The following GPC6 variants were observed in gnomAD, a reference collection of about 807,000 sequenced individuals.
GPC6 encodes glypican-6.
A neutral mutation model predicts 55.2 loss-of-function variants in GPC6; 14 were observed. The observed-to-expected ratio is 0.25, with a 90% CI of 0.17 to 0.40. GPC6 has a LOEUF of 0.40. GPC6 is among the 10% of genes least tolerant of loss of function. The pLI is 1.00. For synonymous variants in GPC6, 278 were observed against 259.6 expected (o/e 1.07, Z -0.68); for missense variants, 641 against 708.5 (o/e 0.90, Z 1.08).
At chr13:93,981,922 A>G (rs1258534824) in intron 3 of GPC6, among the ~76,000 whole-genome samples, 1 of 152,090 alleles carries the variant, frequency 6.6e-6, no homozygotes. Context: ...CATGTGACCC[A>G]ATTTCTTATT....
intron 4 of GPC6, among the ~76,000 whole-genome samples, chr13:94,216,311 C>T (rs1020271724): frequency 3.9e-5 from 6 of 152,202 alleles, no homozygotes; most frequent in Non-Finnish European, 5.9e-5. Flanking sequence ...TGAGGAAGAA[C>T]ATGACTTGAA....
chr13:94,157,627 A>G (rs746428990), intron 4 of GPC6, among the ~76,000 whole-genome samples: 2 of 152,194 alleles, frequency 1.3e-5, no homozygotes, highest in African/African-American at 2.4e-5. Context: ...CCATTGCAGA[A>G]TCTTTGGTGC....
chr13:94,288,916 A>G (rs1874759382), intron 5 of GPC6, among the ~76,000 whole-genome samples: 1 of 128,736 alleles, frequency 7.8e-6, no homozygotes, highest in African/African-American at 3.0e-5. Context: ...TATATTTGTT[A>G]TATATATAAC....
intron 3 of GPC6, among the ~76,000 whole-genome samples, chr13:93,968,999 C>T (rs1011708211): frequency 2.6e-5 from 4 of 152,110 alleles, no homozygotes; most frequent in African/African-American, 9.7e-5. Flanking sequence ...CAGGCATCTC[C>T]TGAAGATAAC....
intron 2 of GPC6, among the ~76,000 whole-genome samples, chr13:93,787,593 A>G (rs1459341824): frequency 6.6e-6 from 1 of 152,202 alleles, no homozygotes; most frequent in Non-Finnish European, 1.5e-5. Context: ...GTTCAGGTAC[A>G]TGTGATAATT....
intron 3 of GPC6, among the ~76,000 whole-genome samples, chr13:93,916,098 C>T (rs1877278599): frequency 6.6e-6 from 1 of 152,040 alleles, no homozygotes; most frequent in Non-Finnish European, 1.5e-5. Flanking sequence ...GGGACCTGCT[C>T]AGTTTCTTGG....
chr13:94,197,744 C>G (rs1414661859), intron 4 of GPC6, among the ~76,000 whole-genome samples: 2 of 152,162 alleles, frequency 1.3e-5, no homozygotes, highest in Non-Finnish European at 2.9e-5. Flanking sequence ...AAGATAGTAT[C>G]TGTATTTTGG....
In GPC6 at chr13:93,343,439, C is replaced by T. The variant is rs1365279762; in HGVS notation, c.160+115823C>T. On this transcript the variant is annotated intron_variant, in intron 1 of 8. Coordinates refer to ENST00000377047, the MANE Select transcript of GPC6 (RefSeq NM_005708.5). ...TATTTCATAACTGGTTTATGGTACC[C>T]CAGATACTCACCAGTAACATTGTTA... is the stretch of plus-strand genomic sequence containing the variant. Among the ~76,000 whole-genome samples, 7 of 152,058 alleles carry T rather than the reference C, an allele frequency of 4.6e-5. No homozygotes were observed. In the South Asian group the frequency reaches 1.5e-3, roughly 32 times the overall value.
intron 3 of GPC6, among the ~76,000 whole-genome samples, chr13:93,847,321 G>C (rs1372813463): frequency 6.6e-6 from 1 of 152,176 alleles, no homozygotes; most frequent in South Asian, 2.1e-4. Context: ...ATAAATAAAT[G>C]CCCAATTATG....
At chr13:93,889,614 T>G (rs1291113983) in intron 3 of GPC6, among the ~76,000 whole-genome samples, 1 of 152,154 alleles carries the variant, frequency 6.6e-6, no homozygotes, top group East Asian at 1.9e-4. Context: ...TGTGGTACTT[T>G]GTAATGAAGC....
At chr13:93,995,028 G>C (rs968601569) in intron 3 of GPC6, among the ~76,000 whole-genome samples, 26 of 152,022 alleles carry the variant, frequency 1.7e-4, no homozygotes, top group Non-Finnish European at 1.0e-4. Flanking sequence ...ATTTCAGTTT[G>C]TTAGAACATG....
At chr13:93,686,736 C>T (rs1648345913) in intron 2 of GPC6, among the ~76,000 whole-genome samples, 1 of 152,016 alleles carries the variant, frequency 6.6e-6, no homozygotes, top group African/African-American at 2.4e-5. Context: ...CTCTTGCCTT[C>T]TACATTTTCT....
intron 2 of GPC6, among the ~76,000 whole-genome samples, chr13:93,806,119 T>A (rs1886535567): frequency 6.6e-6 from 1 of 152,202 alleles, no homozygotes; most frequent in Non-Finnish European, 1.5e-5. Flanking sequence ...TGCTTTTCTT[T>A]GAACACCATG....
At chr13:93,304,850 G>C (rs1315494299) in intron 1 of GPC6, among the ~76,000 whole-genome samples, 1 of 152,140 alleles carries the variant, frequency 6.6e-6, no homozygotes, top group Non-Finnish European at 1.5e-5. Flanking sequence ...GGGGGATTCT[G>C]ATTAAAATTG....
chr13:93,420,478 A>G (rs888138352), intron 1 of GPC6, among the ~76,000 whole-genome samples: 3 of 150,402 alleles, frequency 2.0e-5, no homozygotes, highest in African/African-American at 7.5e-5. Flanking sequence ...GATGGGTGAG[A>G]GAGGTTAAAA....
chr13:94,328,173 C>T (rs1482342212), intron 6 of GPC6, among the ~76,000 whole-genome samples: 3 of 152,124 alleles, frequency 2.0e-5, no homozygotes, highest in Non-Finnish European at 4.4e-5. Flanking sequence ...CAAGGGCCAA[C>T]CCAGGGCCAC....
chr13:93,315,693 CTTTTA>C (rs932038837), intron 1 of GPC6, among the ~76,000 whole-genome samples: 18 of 151,404 alleles, frequency 1.2e-4, no homozygotes, highest in Non-Finnish European at 1.9e-4. Context: ...AATGTGTATG[CTTTTA>C]TTTTAAGAGA....
intron 1 of GPC6, among the ~76,000 whole-genome samples, chr13:93,343,942 C>T (rs1043142444): frequency 1.1e-4 from 17 of 152,202 alleles, no homozygotes. Context: ...TCTAACTTCT[C>T]ATCCTTGCTA....
intron 2 of GPC6, among the ~76,000 whole-genome samples, chr13:93,701,248 G>C (rs532199306): frequency 6.6e-6 from 1 of 152,174 alleles, no homozygotes; most frequent in South Asian, 2.1e-4. Flanking sequence ...AGGTAAACTA[G>C]AGATATTGCA....
Sources: allele counts gnomAD v4.1 joint callset (sites outside exome capture counted in the v4.1 genomes callset), GRCh38; gene constraint gnomAD v4.1.1; transcripts MANE v1.5; gene names NCBI Gene and HGNC (gene_info 2026-07-23, HGNC 2026-07-21).